The following ZMYND11 variants were observed in gnomAD, a reference collection of about 807,000 sequenced individuals.
ZMYND11 encodes zinc finger MYND-type containing 11.
Under a neutral mutation model 84.9 loss-of-function variants are expected in ZMYND11, and 9 were observed. The observed-to-expected ratio is 0.11, with a 90% CI of 0.06 to 0.18. The LOEUF (loss-of-function observed/expected upper bound fraction) is 0.18, where lower values mean the gene tolerates loss of function less well. ZMYND11 is among the 10% of genes least tolerant of loss of function. The pLI is 1.00. For missense variants in ZMYND11, 409 were observed against 761.0 expected (o/e 0.54, Z 5.44); for synonymous variants, 250 against 244.1 (o/e 1.02, Z -0.23).
intron 4 of ZMYND11, among the ~76,000 whole-genome samples, chr10:228,801 C>T (rs1372446688): frequency 1.3e-5 from 2 of 152,164 alleles, no homozygotes; most frequent in African/African-American, 2.4e-5. Context: ...ATTTTTCTCA[C>T]TTCCCTTTCC....
chr10:198,742 T>G lies in ZMYND11; in HGVS notation c.117-11147T>G, dbSNP rs569805235. 1.3e-4 allele frequency among the ~76,000 whole-genome samples: 20 copies of G among 152,342 alleles called. No homozygotes were observed. In the South Asian group the frequency reaches 3.1e-3, roughly 24 times the overall value. The stretch of plus-strand genomic sequence containing the variant: ...GCCTAGGACTTTACATACAAATAGG[T>G]ACTTGCATATTGCATGTTCTTTCAA... On this transcript the variant is annotated intron_variant, in intron 2 of 14. Transcript: ENST00000381604.
In ZMYND11 at chr10:155,605, A is replaced by G. The variant is rs539409786; in HGVS notation, c.-20+20046A>G. Among the ~76,000 whole-genome samples the G allele has an allele frequency of 5.0e-3, 761 of 152,326 alleles. 23 individuals are homozygous for G. The highest frequency in any genetic ancestry group is 0.043 in the Admixed American group (650 of 15,294). On this transcript the variant is annotated intron_variant, in intron 1 of 14. Coordinates refer to ENST00000381604, the MANE Select transcript of ZMYND11 (RefSeq NM_001370100.5). ...TCTAAAGAAGAGCTACAAACACACGAAAAAGGTTTTGCTTGAAATGATGTT... is the reference window on the plus strand; with the variant it reads ...TCTAAAGAAGAGCTACAAACACACGGAAAAGGTTTTGCTTGAAATGATGTT...
At chr10:132,025 A>T (rs1412748285), upstream of ZMYND11, among the ~76,000 whole-genome samples, 2 of 152,120 alleles carry the variant, frequency 1.3e-5, no homozygotes, top group Non-Finnish European at 2.9e-5. Context: ...ATAGTAACTT[A>T]TATGCCAGAA....
At chr10:144,598 G>A (rs1362702337) in intron 1 of ZMYND11, among the ~76,000 whole-genome samples, 1 of 145,366 alleles carries the variant, frequency 6.9e-6, no homozygotes, top group Non-Finnish European at 1.5e-5. Context: ...GAGTAATTTA[G>A]CATAGTGGTT....
intron 1 of ZMYND11, among the ~76,000 whole-genome samples, chr10:139,704 CTTTTTT>C (rs67915368): frequency 1.0e-4 from 8 of 80,238 alleles, no homozygotes; most frequent in East Asian, 4.1e-4. Context: ...ACACATGGTC[CTTTTTT>C]TTTTTTTTTT....
intron 1 of ZMYND11, among the ~76,000 whole-genome samples, chr10:173,616 T>G (rs1400718820): frequency 6.6e-6 from 1 of 152,006 alleles, no homozygotes; most frequent in Non-Finnish European, 1.5e-5. Flanking sequence ...CTAGCTACTC[T>G]AGAGTCTAAG....
At chr10:192,962 ACTT>A (rs1940829385) in intron 2 of ZMYND11, among the ~76,000 whole-genome samples, 1 of 151,906 alleles carries the variant, frequency 6.6e-6, no homozygotes, top group African/African-American at 2.4e-5. Context: ...TGCTTTGTAA[ACTT>A]CTTTTCTCAT....
intron 1 of ZMYND11, among the ~76,000 whole-genome samples, chr10:150,028 G>T (rs1839937028): frequency 6.6e-6 from 1 of 152,068 alleles, no homozygotes; most frequent in Admixed American, 6.5e-5. Context: ...ATTTTATTGA[G>T]GATTTTTGCA....
chr10:155,218 A>G (rs1841412936), intron 1 of ZMYND11, among the ~76,000 whole-genome samples: 1 of 152,226 alleles, frequency 6.6e-6, no homozygotes, highest in Admixed American at 6.5e-5. Flanking sequence ...GTGTACGTAA[A>G]AATCTTGAAG....
chr10:202,431 C>G (rs1943367933), intron 2 of ZMYND11, among the ~76,000 whole-genome samples: 1 of 152,078 alleles, frequency 6.6e-6, no homozygotes, highest in Non-Finnish European at 1.5e-5. Flanking sequence ...TTTCTTGACA[C>G]AACCATTATA....
intron 1 of ZMYND11, among the ~76,000 whole-genome samples, chr10:146,241 A>G (rs1838797914): frequency 6.6e-6 from 1 of 152,010 alleles, no homozygotes; most frequent in Non-Finnish European, 1.5e-5. Context: ...CTGTGTGTCT[A>G]CTTTTATATC....
chr10:245,762 T>C (rs1951994652), intron 10 of ZMYND11, among the ~76,000 whole-genome samples: 1 of 152,250 alleles, frequency 6.6e-6, no homozygotes, highest in Admixed American at 6.5e-5. Context: ...AGAGTACCTT[T>C]ACCACCTGCT....
At chr10:210,243 G>C (rs998022497) in intron 3 of ZMYND11, among the ~76,000 whole-genome samples, 195 bp downstream of exon 3, 1 of 152,158 alleles carries the variant, frequency 6.6e-6, no homozygotes, top group Non-Finnish European at 1.5e-5. Flanking sequence ...CTTTTACAAA[G>C]ATCCTGCTTC....
chr10:237,024 T>G, intron 5 of ZMYND11, 109 bp downstream of exon 5: 1 of 1,049,812 alleles, frequency 9.5e-7, no homozygotes, highest in Non-Finnish European at 1.4e-6. Flanking sequence ...CATAGCAATA[T>G]GAAGTGTGGA....
intron 1 of ZMYND11, among the ~76,000 whole-genome samples, chr10:158,984 G>GTTTTTTTTTTTTTTTTTTTTTTTTTTT (rs376931420): frequency 2.7e-4 from 11 of 40,024 alleles, no homozygotes; most frequent in Non-Finnish European, 4.1e-4. Context: ...AGGGTTTTTT[G>GTTTTTTTTTTTTTTTTTTTTTTTTTTT]TTTTTTGTTT....
At chr10:227,175 T>C (rs1948279487) in intron 4 of ZMYND11, among the ~76,000 whole-genome samples, 1 of 152,170 alleles carries the variant, frequency 6.6e-6, no homozygotes, top group Non-Finnish European at 1.5e-5. Context: ...TCCAAAAAGC[T>C]CTCCCGAATT....
chr10:222,196 A>AT (rs1426576604), intron 4 of ZMYND11, among the ~76,000 whole-genome samples: 4 of 152,042 alleles, frequency 2.6e-5, no homozygotes, highest in Non-Finnish European at 5.9e-5. Flanking sequence ...TAATTTAAGT[A>AT]TTTTTTTGCT....
At chr10:233,826 C>CTA (rs1949439087) in intron 4 of ZMYND11, among the ~76,000 whole-genome samples, 1 of 152,204 alleles carries the variant, frequency 6.6e-6, no homozygotes, top group African/African-American at 2.4e-5. Flanking sequence ...TCAGCATGAA[C>CTA]TATATGCATT....
intron 2 of ZMYND11, among the ~76,000 whole-genome samples, chr10:187,406 G>A (rs574606741): frequency 3.0e-4 from 45 of 151,846 alleles, no homozygotes; most frequent in African/African-American, 1.0e-3. Flanking sequence ...AGGCCGAGGC[G>A]GGCGGATCAC....
Sources: gnomAD v4.1 joint callset for allele counts (sites outside exome capture counted in the v4.1 genomes callset) on GRCh38, gnomAD v4.1.1 for gene constraint, MANE v1.5 for transcripts, NCBI Gene and HGNC (gene_info 2026-07-23, HGNC 2026-07-21) for gene names.